Variants in ATG10 observed in about 807,000 individuals in gnomAD.
The protein encoded by ATG10 is autophagy related 10, also known as ubiquitin-like-conjugating enzyme ATG10.
Under a neutral mutation model 32.1 loss-of-function variants are expected in ATG10, and 30 were observed. The ratio of observed to expected loss-of-function variants is 0.94; its 90% CI spans 0.70 to 1.27. The LOEUF (loss-of-function observed/expected upper bound fraction) is 1.27. Ranked by LOEUF, ATG10 falls within the 50% of genes most tolerant of loss-of-function variation. ATG10 has a pLI of 0.00. For missense variants in ATG10, 233 were observed against 262.3 expected, an observed-to-expected ratio of 0.89 and a Z score of 0.77; for synonymous variants, 87 against 91.5, an observed-to-expected ratio of 0.95 and a Z score of 0.28.
chr5:82,010,139 G>A (rs908656830), intron 2 of ATG10: 18 of 1,453,174 alleles, frequency 1.2e-5, no homozygotes, highest in South Asian at 2.3e-5. Flanking sequence ...CTGCAAAGCC[G>A]CTTTCTTATA....
chr5:82,224,989 TTA>T (rs1746064853), intron 5 of ATG10, among the ~76,000 whole-genome samples: 1 of 152,200 alleles, frequency 6.6e-6, no homozygotes, highest in African/African-American at 2.4e-5. Context: ...TGAAATTAAA[TTA>T]GTTTCTTTCA....
intron 5 of ATG10, among the ~76,000 whole-genome samples, chr5:82,227,095 G>A (rs1746161698): frequency 6.6e-6 from 1 of 152,078 alleles, no homozygotes; most frequent in South Asian, 2.1e-4. Flanking sequence ...GGGCATGAGA[G>A]TTTTAAAGGA....
intron 5 of ATG10, among the ~76,000 whole-genome samples, chr5:82,245,156 G>T (rs757493646): frequency 3.3e-5 from 5 of 152,132 alleles, no homozygotes; most frequent in Non-Finnish European, 7.4e-5. Context: ...TCTGAAAAGG[G>T]TACGTTAAAC....
At chr5:82,122,952 A>G (rs1766102735) in intron 3 of ATG10, among the ~76,000 whole-genome samples, 1 of 152,232 alleles carries the variant, frequency 6.6e-6, no homozygotes, top group African/African-American at 2.4e-5. Flanking sequence ...TAATGTGGTA[A>G]CTCCTTAAAT....
chr5:82,139,530 C>T lies in ATG10; in HGVS notation c.217-24869C>T, dbSNP rs1326331873. ...GATGTGAGGAGCGCCTCTGCCCGGC[C>T]GAGACCCCGTCTGGGAGGTGAGGAG... is the stretch of plus-strand genomic sequence containing the variant. On this transcript the variant is annotated intron_variant, in intron 3 of 7. Transcript: ENST00000282185. Among the ~76,000 whole-genome samples, 142 of 145,054 alleles carry T rather than the reference C, an allele frequency of 9.8e-4. 1 individual carries two copies. The highest frequency in any genetic ancestry group is 2.1e-3 in the Admixed American group (32 of 14,908).
chr5:82,044,072 T>A (rs1403839314), intron 2 of ATG10, among the ~76,000 whole-genome samples: 1 of 152,070 alleles, frequency 6.6e-6, no homozygotes, highest in East Asian at 1.9e-4. Context: ...AAGAACTACC[T>A]GAGACTGGGT....
At chr5:82,022,402 C>T (rs1762468447) in intron 2 of ATG10, among the ~76,000 whole-genome samples, 1 of 147,798 alleles carries the variant, frequency 6.8e-6, no homozygotes, top group African/African-American at 2.5e-5. Context: ...GATTTCAGCT[C>T]ACTGCAGCCT....
chr5:82,235,777 G>C (rs1475300187), intron 5 of ATG10, among the ~76,000 whole-genome samples: 4 of 152,092 alleles, frequency 2.6e-5, no homozygotes, highest in African/African-American at 9.7e-5. Context: ...ACATAACAAG[G>C]CTTTTAAATA....
intron 3 of ATG10, among the ~76,000 whole-genome samples, chr5:82,127,906 G>T (rs960921048): frequency 3.3e-5 from 5 of 151,978 alleles, no homozygotes; most frequent in African/African-American, 1.2e-4. Context: ...CTATTATTGT[G>T]TGGGAGTCTA....
intron 2 of ATG10, among the ~76,000 whole-genome samples, chr5:81,993,856 A>G (rs1761580548): frequency 6.6e-6 from 1 of 152,206 alleles, no homozygotes. Flanking sequence ...AAACTCTGTA[A>G]AAGTGTATTT....
At chr5:82,096,589 G>T (rs770095393) in intron 3 of ATG10, among the ~76,000 whole-genome samples, 8 of 152,138 alleles carry the variant, frequency 5.3e-5, no homozygotes, top group Non-Finnish European at 8.8e-5. Context: ...ATAGATTGTG[G>T]ACTAGGTGGG....
chr5:82,156,691 G>C (rs1475943911), intron 3 of ATG10, among the ~76,000 whole-genome samples: 2 of 152,134 alleles, frequency 1.3e-5, no homozygotes, highest in Non-Finnish European at 2.9e-5. Context: ...GACTTCTGAA[G>C]CTTGATAATT....
intron 5 of ATG10, among the ~76,000 whole-genome samples, chr5:82,246,527 A>AAAAAAAAG (rs1010310888): frequency 6.7e-6 from 1 of 148,292 alleles, no homozygotes; most frequent in African/African-American, 2.5e-5. Flanking sequence ...CTCTTAAAAA[A>AAAAAAAAG]AAAAAAAGAA....
chr5:82,029,266 G>C (rs2149713760), intron 2 of ATG10, among the ~76,000 whole-genome samples: 1 of 152,324 alleles, frequency 6.6e-6, no homozygotes, highest in East Asian at 1.9e-4. Context: ...AAGTAGATTA[G>C]TGGTTGCCTA....
At chr5:82,101,783 A>G (rs960413642) in intron 3 of ATG10, among the ~76,000 whole-genome samples, 3 of 152,202 alleles carry the variant, frequency 2.0e-5, no homozygotes, top group Non-Finnish European at 2.9e-5. Flanking sequence ...AGTTTTTTCC[A>G]ATACTATGTG....
At chr5:82,025,524 T>C (rs1005723350) in intron 2 of ATG10, among the ~76,000 whole-genome samples, 1 of 152,052 alleles carries the variant, frequency 6.6e-6, no homozygotes, top group Non-Finnish European at 1.5e-5. Flanking sequence ...CTGGGGGAGA[T>C]AGGAGGCTGA....
intron 4 of ATG10, among the ~76,000 whole-genome samples, chr5:82,168,144 T>C (rs921599798): frequency 2.6e-5 from 4 of 152,136 alleles, no homozygotes; most frequent in Non-Finnish European, 4.4e-5. Context: ...GCCAAAGCCT[T>C]CTATCCATTC....
chr5:82,091,388 A>G (rs1178521904), intron 3 of ATG10, among the ~76,000 whole-genome samples: 3 of 151,800 alleles, frequency 2.0e-5, no homozygotes, highest in East Asian at 1.9e-4. Context: ...CCTTTTTTTT[A>G]GCTTTTTTCC....
chr5:82,029,823 C>A (rs977374620), intron 2 of ATG10, among the ~76,000 whole-genome samples: 1 of 152,164 alleles, frequency 6.6e-6, no homozygotes, highest in African/African-American at 2.4e-5. Context: ...AAAATACTCA[C>A]TAGCAATTAC....
Sources: allele counts gnomAD v4.1 joint callset (sites outside exome capture counted in the v4.1 genomes callset), GRCh38; gene constraint gnomAD v4.1.1; transcripts MANE v1.5; gene names NCBI Gene and HGNC (gene_info 2026-07-23, HGNC 2026-07-21).